SYT9: variants seen among roughly 807,000 people sequenced by gnomAD.
The protein encoded by SYT9 is synaptotagmin 9.
SYT9 carries 22 observed loss-of-function variants against 48.4 expected under a neutral mutation model. The ratio of observed to expected loss-of-function variants is 0.45; its 90% CI spans 0.32 to 0.65. The LOEUF is 0.65. Ranked by LOEUF, SYT9 falls within the 30% of genes least tolerant of loss-of-function variation. SYT9 has a pLI of 0.03. For synonymous variants in SYT9, 265 were observed against 245.0 expected (o/e 1.08, Z -0.76); for missense variants, 577 against 622.0 (o/e 0.93, Z 0.77).
chr11:7,454,722 G>C lies in SYT9; in HGVS notation c.1468-12070G>C, dbSNP rs150339792. Among the ~76,000 whole-genome samples the C allele has an allele frequency of 6.5e-3, 993 of 152,252 alleles. 12 individuals are homozygous for C. Among genetic ancestry groups the C allele is most frequent in the African/African-American group, 0.022 (930 of 41,520 alleles). On this transcript the variant is annotated intron_variant, in intron 6 of 6. Coordinates refer to ENST00000318881, the MANE Select transcript of SYT9 (RefSeq NM_175733.4). Reference sequence around the variant, plus strand: ...TTACCTTTAATAACCTAAGGCCCCTGATACCTCCCCAAAGAGCTGTTTCCC... The same window carrying C: ...TTACCTTTAATAACCTAAGGCCCCTCATACCTCCCCAAAGAGCTGTTTCCC...
intron 2 of SYT9, among the ~76,000 whole-genome samples, chr11:7,313,146 A>G (rs1395838289): frequency 6.6e-6 from 1 of 152,196 alleles, no homozygotes; most frequent in Non-Finnish European, 1.5e-5. Flanking sequence ...TAAACCTTTA[A>G]AGCTCTGAGG....
intron 1 of SYT9, among the ~76,000 whole-genome samples, chr11:7,280,853 G>T (rs1466019027): frequency 6.6e-6 from 1 of 152,206 alleles, no homozygotes; most frequent in Admixed American, 6.5e-5. Context: ...ACAATAAATT[G>T]TAGTTAAATG....
chr11:7,328,389 C>G (rs1234942363), intron 3 of SYT9, among the ~76,000 whole-genome samples: 1 of 151,774 alleles, frequency 6.6e-6, no homozygotes, highest in African/African-American at 2.4e-5. Flanking sequence ...TTACTTTCTC[C>G]CTTCTACCAA....
In SYT9 at chr11:7,420,598, C is replaced by G. The variant is rs779205789; in HGVS notation, c.1430C>G (p.Pro477Arg). The G allele has an allele frequency of 1.2e-5, 19 of 1,614,044 alleles. No individual in the cohort carries two copies. The South Asian group carries it at 1.6e-4, about 14-fold the overall frequency. The change falls in exon 6 of 7, where the codon CCT (proline) becomes CGT (arginine). Residue 477 changes from proline to arginine, a missense_variant. By Grantham distance (103) the Pro-to-Arg change is moderately radical. Coordinates refer to ENST00000318881, the MANE Select transcript of SYT9 (RefSeq NM_175733.4). ...RDHWSEMLSY[P>R]RKPIAHWHSL... ...CACTGGAGTGAAATGTTGTCATATCCTCGGAAGCCCATTGCACACTGGCAT... is the reference window on the plus strand; with the variant it reads ...CACTGGAGTGAAATGTTGTCATATCGTCGGAAGCCCATTGCACACTGGCAT...
chr11:7,342,563 C>G (rs1469315855), intron 3 of SYT9, among the ~76,000 whole-genome samples: 2 of 152,244 alleles, frequency 1.3e-5, no homozygotes, highest in African/African-American at 4.8e-5. Flanking sequence ...TTGGGCAGCT[C>G]TGCCCCTGTG....
At chr11:7,403,803 A>G (rs1422014611) in intron 3 of SYT9, among the ~76,000 whole-genome samples, 1 of 152,092 alleles carries the variant, frequency 6.6e-6, no homozygotes, top group Non-Finnish European at 1.5e-5. Flanking sequence ...TGTTTGGTAA[A>G]CGGCTCTTTA....
chr11:7,258,550 A>C (rs1848019597), intron 1 of SYT9, among the ~76,000 whole-genome samples: 1 of 152,110 alleles, frequency 6.6e-6, no homozygotes, highest in Non-Finnish European at 1.5e-5. Flanking sequence ...CATTGATAGA[A>C]CTGCACTTGA....
chr11:7,442,845 C>T (rs1216055423), intron 6 of SYT9, among the ~76,000 whole-genome samples: 5 of 145,524 alleles, frequency 3.4e-5, no homozygotes, highest in African/African-American at 5.5e-5. Context: ...TTCATTGATA[C>T]ATCCATTCAA....
At chr11:7,375,453 A>G (rs1189582850) in intron 3 of SYT9, among the ~76,000 whole-genome samples, 1 of 152,182 alleles carries the variant, frequency 6.6e-6, no homozygotes, top group Non-Finnish European at 1.5e-5. Flanking sequence ...TCCTGTGAAG[A>G]AAGTCAATAG....
intron 2 of SYT9, among the ~76,000 whole-genome samples, chr11:7,309,743 C>T (rs1411117995): frequency 2.0e-5 from 3 of 152,162 alleles, no homozygotes; most frequent in Non-Finnish European, 4.4e-5. Context: ...GCCCCTGGGG[C>T]AGTCTCCCTG....
intron 1 of SYT9, among the ~76,000 whole-genome samples, chr11:7,243,007 T>C (rs547854259): frequency 1.3e-5 from 2 of 151,948 alleles, no homozygotes; most frequent in African/African-American, 4.8e-5. Context: ...GATTGTACCA[T>C]TGCACTCCAA....
In SYT9 at chr11:7,303,432, C is replaced by T. The variant is rs531566371; in HGVS notation, c.497+42C>T. 6.0e-5 allele frequency: 90 copies of T among 1,496,252 alleles called. 2 individuals carry two copies. In the South Asian group the frequency reaches 1.1e-3, roughly 18 times the overall value. The allele number at this position is 1,496,252 out of a possible 1,614,324, so 92.7% of individuals were successfully genotyped here. The stretch of plus-strand genomic sequence containing the variant: ...CCTTTCTGAATGCAAGGAAGGACCA[C>T]CCCATTCCCCTCTCTGGCAACAATA... On this transcript the variant is annotated intron_variant, in intron 2 of 6. Transcript: ENST00000318881.
chr11:7,293,899 A>T (rs1373096097), intron 1 of SYT9, among the ~76,000 whole-genome samples: 1 of 152,134 alleles, frequency 6.6e-6, no homozygotes, highest in Non-Finnish European at 1.5e-5. Context: ...CCTGGGTTTT[A>T]TATTTGTATA....
intron 1 of SYT9, among the ~76,000 whole-genome samples, chr11:7,272,200 G>A (rs144360180): frequency 6.8e-4 from 103 of 152,226 alleles, no homozygotes; most frequent in Non-Finnish European, 1.1e-3. Context: ...AACTGAGGGC[G>A]TGAGTAAGGT....
chr11:7,282,852 C>T (rs1848524767), intron 1 of SYT9, among the ~76,000 whole-genome samples: 1 of 151,852 alleles, frequency 6.6e-6, no homozygotes, highest in East Asian at 1.9e-4. Context: ...CATTTAACTT[C>T]TCTACATTTT....
At chr11:7,314,864 C>A (rs910382298) in intron 3 of SYT9, among the ~76,000 whole-genome samples, 1 of 152,218 alleles carries the variant, frequency 6.6e-6, no homozygotes, top group Non-Finnish European at 1.5e-5. Context: ...GGACCAAGCA[C>A]CACCGTCTTT....
chr11:7,328,103 T>TAA (rs1564863945), intron 3 of SYT9, among the ~76,000 whole-genome samples: 3 of 149,726 alleles, frequency 2.0e-5, no homozygotes, highest in African/African-American at 7.4e-5. Flanking sequence ...ATAATAATTT[T>TAA]AAAAAAAATT....
At chr11:7,424,161 C>CTTCTGA in intron 6 of SYT9, among the ~76,000 whole-genome samples, 1 of 152,156 alleles carries the variant, frequency 6.6e-6, no homozygotes, top group Non-Finnish European at 1.5e-5. Flanking sequence ...CTGACCTTGC[C>CTTCTGA]AGGGCAGGTG....
At chr11:7,413,144 C>T (rs2134092322) in intron 3 of SYT9, among the ~76,000 whole-genome samples, 1 of 152,300 alleles carries the variant, frequency 6.6e-6, no homozygotes, top group South Asian at 2.1e-4. Context: ...CACAGACACT[C>T]TCATTGGGAG....
Sources: gnomAD v4.1 joint callset for allele counts (sites outside exome capture counted in the v4.1 genomes callset) on GRCh38, gnomAD v4.1.1 for gene constraint, MANE v1.5 for transcripts, NCBI Gene and HGNC (gene_info 2026-07-23, HGNC 2026-07-21) for gene names.